SFTPB: variants seen among roughly 807,000 people sequenced by gnomAD.
The protein encoded by SFTPB is pulmonary surfactant-associated protein B.
In SFTPB, 32 loss-of-function variants were observed where a neutral mutation model predicts 51.0. The ratio of observed to expected loss-of-function variants is 0.63; its 90% CI spans 0.47 to 0.84. The LOEUF is 0.84. Among genes scored for constraint, SFTPB ranks in the 40% least tolerant of loss-of-function variants. The probability of loss-of-function intolerance (pLI) is 0.00; values close to 1 mark genes in which losing one functional copy is unlikely to be tolerated. For missense variants in SFTPB, 431 were observed against 491.2 expected (o/e 0.88, Z 1.16); for synonymous variants, 211 against 208.5 (o/e 1.01, Z -0.10).
chr2:85,665,220 A>G (rs1394843178), intron 6 of SFTPB, 69 bp downstream of exon 6: 1 of 1,150,064 alleles, frequency 8.7e-7, no homozygotes, highest in Non-Finnish European at 1.3e-6. Context: ...GTTGGGAGAG[A>G]GGTGGGAGCT....
At chr2:85,663,616 G>C in intron 7 of SFTPB, 48 bp downstream of exon 7, 5 of 1,593,548 alleles carry the variant, frequency 3.1e-6, no homozygotes, top group Non-Finnish European at 2.6e-6. Context: ...GCAGGGTAGG[G>C]GGAGGAGGAG....
At position 85,659,509 on chromosome 2, in the gene SFTPB, G is replaced by A. The variant is rs1677187315; in HGVS notation, c.*193C>T. 6.6e-6 allele frequency: 1 copy of A among 152,400 alleles called. No homozygotes were observed. The highest frequency in any genetic ancestry group is 2.4e-5 in the African/African-American group (1 of 41,462). 9.4% of individuals were successfully genotyped at this position (152,400 alleles called of 1,614,324 possible). On this transcript the variant is annotated 3_prime_UTR_variant, in exon 11 of 11. Transcript: ENST00000519937. ...GCTGAGACAGACAAGGCCGACACAG[G>A]GCTGGGGGCCCGTGGTCCACCAGTG... is the stretch of plus-strand genomic sequence containing the variant.
At chr2:85,663,512 G>A (rs1165744420) in intron 7 of SFTPB, 21 bp from the exon 8 acceptor site, 1 of 1,613,146 alleles carries the variant, frequency 6.2e-7, no homozygotes, top group Non-Finnish European at 8.5e-7. Flanking sequence ...GAGCATTAGG[G>A]GGAAAGCAGG....
intron 4 of SFTPB, among the ~76,000 whole-genome samples, chr2:85,666,219 G>GGGTGC (rs1677588784): frequency 7.7e-6 from 1 of 129,526 alleles, no homozygotes; most frequent in African/African-American, 3.1e-5. Flanking sequence ...TGTGTGCTGT[G>GGGTGC]TGTGTGTGTG....
intron 4 of SFTPB, 54 bp downstream of exon 4, chr2:85,666,563 G>A (rs1573478123): frequency 7.5e-6 from 12 of 1,599,730 alleles, no homozygotes; most frequent in East Asian, 4.5e-5. Context: ...CCCCATGGGT[G>A]GGCACAGGGG....
At chr2:85,661,947 C>T in intron 9 of SFTPB, 82 bp downstream of exon 9, 1 of 1,372,288 alleles carries the variant, frequency 7.3e-7, no homozygotes, top group Non-Finnish European at 1.0e-6. Flanking sequence ...GGGAGTGAGG[C>T]CTCTGAGGAT....
Position 85,665,777 on chromosome 2 carries a change from A to G in SFTPB, c.411T>C (p.Cys137=), listed in dbSNP as rs1465224433. ...FQNQTDSNGI[C]MHLGLCKSRQ... The stretch of plus-strand genomic sequence containing the variant: ...GGGATTTGCACAGGCCCAGGTGCAT[A>G]CAGATGCCGTTTGAGTCCTGGGGCA... The change falls in exon 5 of 11, where the codon TGT becomes TGC. Residue 137 remains cysteine (C), a synonymous_variant. Transcript: ENST00000519937. 6.2e-7 allele frequency: 1 copy of G among 1,614,136 alleles called. No individual in the cohort carries two copies.
intron 8 of SFTPB, 150 bp from the exon 9 acceptor site, chr2:85,662,259 C>T: frequency 6.7e-7 from 1 of 1,493,128 alleles, no homozygotes; most frequent in Admixed American, 2.2e-5. Context: ...GCAGTTGAAA[C>T]CCTTAACAAA....
chr2:85,664,346 C>T lies in SFTPB; in HGVS notation c.673-499G>A, dbSNP rs546343662. Among the ~76,000 whole-genome samples the T allele has an allele frequency of 3.9e-5, 6 of 152,290 alleles. No individual in the cohort carries two copies. The South Asian group carries it at 1.0e-3, about 26-fold the overall frequency. On this transcript the variant is annotated intron_variant, in intron 6 of 10. Transcript: ENST00000519937. ...ACTTTGGAGTCCTCCCTGGTCCTCA[C>T]GCTCCAGGCCCATCCATGCCCAATA...
intron 6 of SFTPB, among the ~76,000 whole-genome samples, chr2:85,664,922 C>T (rs1358066287): frequency 2.0e-5 from 3 of 152,232 alleles, no homozygotes; most frequent in African/African-American, 7.2e-5. Flanking sequence ...TGTGGAAATT[C>T]CCCTCTTGAA....
rs267599489 is a variant in SFTPB, at chr2:85,665,378, C to A, written c.583G>T (p.Asp195Tyr). 1 of 1,613,452 alleles carries A rather than the reference C, an allele frequency of 6.2e-7. No individual in the cohort carries two copies. Among genetic ancestry groups the A allele is most frequent in the Non-Finnish European group, 8.5e-7 (1 of 1,179,580 alleles). ...LQARPGPHTQ[D>Y]LSEQQFPIPL... ...ATGGGGAATTGCTGCTCGGAGAGAT[C>A]CTGGGGAAAGAATCAGGTGGAGGCC... The change falls in exon 6 of 11, where the codon GAT (aspartate) becomes TAT (tyrosine). Residue 195 changes from aspartate (D) to tyrosine (Y), a missense_variant and splice_region_variant. Asp to Tyr is a radical substitution (Grantham distance 160). Transcript: ENST00000519937.
At position 85,659,485 on chromosome 2, in the gene SFTPB, C is replaced by T. The variant is rs1462197910; in HGVS notation, c.*217G>A. ...GCTCTGGTGTCAGACTGTGGTTGAG[C>T]TGAGACAGACAAGGCCGACACAGGG... On this transcript the variant is annotated 3_prime_UTR_variant, in exon 11 of 11. Transcript: ENST00000519937. 1 of 152,312 alleles carries T rather than the reference C, an allele frequency of 6.6e-6. No homozygotes were observed. Among genetic ancestry groups the T allele is most frequent in the Non-Finnish European group, 1.5e-5 (1 of 68,132 alleles). 9.4% of individuals were successfully genotyped at this position (152,312 alleles called of 1,614,324 possible).
At chr2:85,661,887 G>T in intron 9 of SFTPB, 142 bp downstream of exon 9, 1 of 717,104 alleles carries the variant, frequency 1.4e-6, no homozygotes, top group Non-Finnish European at 2.4e-6. Flanking sequence ...AAACAGAGAG[G>T]GGTGCCTCCC....
Position 85,666,709 on chromosome 2 carries a change from T to C in SFTPB, c.301A>G (p.Asn101Asp). The change falls in exon 4 of 11, where the codon AAC becomes GAC. Residue 101 changes from asparagine to aspartate, a missense_variant. Transcript: ENST00000519937. ...ATGAGCAGCTTCAAGGGGAGGACGT[T>C]GCACTCCTGCTCCAGGAACTTCCTC... ...TMRKFLEQEC[N>D]VLPLKLLMPQ... 6.2e-7 allele frequency: 1 copy of C among 1,613,838 alleles called. No homozygotes were observed. The highest frequency in any genetic ancestry group is 8.5e-7 in the Non-Finnish European group (1 of 1,179,876).
rs1558882605 is a variant in SFTPB, at chr2:85,657,744, C to G, written c.*1958G>C. ...GTGGGCTGAGTCCAAAAAGAGTCAG[C>G]AAAGGGTGGTGGGATTATCATTAGT... On this transcript the variant is annotated 3_prime_UTR_variant, in exon 11 of 11. Coordinates refer to ENST00000519937, the MANE Select transcript of SFTPB (RefSeq NM_000542.5). 1 of 152,088 alleles carries G rather than the reference C, an allele frequency of 6.6e-6. No homozygotes were observed. The highest frequency in any genetic ancestry group is 1.5e-5 in the Non-Finnish European group (1 of 68,036). 9.4% of individuals were successfully genotyped at this position (152,088 alleles called of 1,614,324 possible).
Position 85,667,760 on chromosome 2 carries a change from G to A in SFTPB, c.114C>T (p.Phe38=). The change falls in exon 2 of 11, where the codon TTC becomes TTT. Residue 38 remains phenylalanine, a synonymous_variant. Coordinates refer to ENST00000519937, the MANE Select transcript of SFTPB (RefSeq NM_000542.5). The part of the protein sequence containing the change: ...SSLACAQGPE[F]WCQSLEQALQ... Reference sequence around the variant, plus strand: ...ATGCTTGCTCCAGGCTTTGGCACCAGAACTCAGGGCCCTGGGCACAGGCCA... The same window carrying A: ...ATGCTTGCTCCAGGCTTTGGCACCAAAACTCAGGGCCCTGGGCACAGGCCA... 6.2e-7 allele frequency: 1 copy of A among 1,614,274 alleles called. No individual in the cohort carries two copies.
At chr2:85,665,218 A>G (rs977479505) in intron 6 of SFTPB, 71 bp downstream of exon 6, 5 of 1,143,010 alleles carry the variant, frequency 4.4e-6, no homozygotes, top group African/African-American at 3.0e-5. Context: ...GAGTTGGGAG[A>G]GAGGTGGGAG....
chr2:85,664,756 G>A (rs746844376), intron 6 of SFTPB, among the ~76,000 whole-genome samples: 3 of 152,208 alleles, frequency 2.0e-5, no homozygotes, highest in African/African-American at 7.2e-5. Context: ...GGTGGCCCAC[G>A]CAACCCTATC....
intron 8 of SFTPB, among the ~76,000 whole-genome samples, chr2:85,663,078 C>CT (rs1354315620): frequency 6.6e-6 from 1 of 152,152 alleles, no homozygotes; most frequent in African/African-American, 2.4e-5. Flanking sequence ...AACCAGGCCT[C>CT]TGAAGGCTTG....
Sources: allele counts gnomAD v4.1 joint callset (sites outside exome capture counted in the v4.1 genomes callset), GRCh38; gene constraint gnomAD v4.1.1; transcripts MANE v1.5; gene names NCBI Gene and HGNC (gene_info 2026-07-23, HGNC 2026-07-21).